PCDHGA1: variants seen among roughly 807,000 people sequenced by gnomAD.
PCDHGA1 encodes protocadherin gamma subfamily A, 1.
In PCDHGA1, 32 loss-of-function variants were observed where a neutral mutation model predicts 58.0. The ratio of observed to expected loss-of-function variants is 0.55; its 90% CI spans 0.42 to 0.74. The LOEUF is 0.74. Ranked by LOEUF, PCDHGA1 falls within the 30% of genes least tolerant of loss-of-function variation. The probability of loss-of-function intolerance (pLI) is 0.00; values close to 1 mark genes in which losing one functional copy is unlikely to be tolerated. For missense variants in PCDHGA1, 1,205 were observed against 1,182.3 expected (o/e 1.02, Z -0.28); for synonymous variants, 498 against 501.1 (o/e 0.99, Z 0.08).
intron 1 of PCDHGA1, among the ~76,000 whole-genome samples, chr5:141,369,978 A>AT (rs1300549847): frequency 6.6e-6 from 1 of 152,234 alleles, no homozygotes; most frequent in Non-Finnish European, 1.5e-5. Flanking sequence ...AAGGTACTTG[A>AT]TTTGGATGGA....
chr5:141,340,513 C>G, intron 1 of PCDHGA1: 1 of 1,614,260 alleles, frequency 6.2e-7, no homozygotes, highest in East Asian at 2.2e-5. Flanking sequence ...CTGGAGTACT[C>G]TATGCACTGC....
Position 141,477,898 on chromosome 5 carries a change from A to G in PCDHGA1, c.2422-16909A>G. 1 of 1,614,158 alleles carries G rather than the reference A, an allele frequency of 6.2e-7. No homozygotes were observed. Among genetic ancestry groups the G allele is most frequent in the Middle Eastern group, 1.6e-4 (1 of 6,062 alleles). ...CTGGCCACCTAGTGTCACGGGTGGTAGGCTGGGACGCGGATGCAGGGCACA... is the reference window on the plus strand; with the variant it reads ...CTGGCCACCTAGTGTCACGGGTGGTGGGCTGGGACGCGGATGCAGGGCACA... On this transcript the variant is annotated intron_variant, in intron 1 of 3. Coordinates refer to ENST00000517417, the MANE Select transcript of PCDHGA1 (RefSeq NM_018912.3). This position sits in a 1 kb window ranked among gnomAD's most constrained non-coding sequence, Gnocchi z 4.9.
At chr5:141,385,300 A>G (rs1781097976) in intron 1 of PCDHGA1, 2 of 1,613,102 alleles carry the variant, frequency 1.2e-6, no homozygotes, top group Non-Finnish European at 8.5e-7. Flanking sequence ...TCAGGAATGT[A>G]AAGAAAACCT....
At chr5:141,465,657 G>T (rs904553709) in intron 1 of PCDHGA1, among the ~76,000 whole-genome samples, 2 of 152,130 alleles carry the variant, frequency 1.3e-5, no homozygotes, top group Non-Finnish European at 2.9e-5. Context: ...CCAAAAAAGC[G>T]CTTGCCATGA....
At chr5:141,430,996 G>A (rs1256552269) in intron 1 of PCDHGA1, 6 of 1,614,024 alleles carry the variant, frequency 3.7e-6, no homozygotes, top group Non-Finnish European at 5.1e-6. Context: ...CCCTGAATCC[G>A]CGCAGCGGCA....
chr5:141,386,400 A>G (rs1180278109), intron 1 of PCDHGA1, among the ~76,000 whole-genome samples: 1 of 152,176 alleles, frequency 6.6e-6, no homozygotes, highest in Non-Finnish European at 1.5e-5. Flanking sequence ...ACTTTTAGCC[A>G]GGTATGGTGT....
rs1342517284 is a variant in PCDHGA1 at position 141,383,674 on chromosome 5, A to G, written c.2421+50569A>G. ...TGTCCCCGAGAATGTGCCAGTGGGT[A>G]CAAGACTGCTCACGGTACATGCTAT... On this transcript the variant is annotated intron_variant, in intron 1 of 3. Coordinates refer to ENST00000517417, the MANE Select transcript of PCDHGA1 (RefSeq NM_018912.3). 9.3e-6 allele frequency: 15 copies of G among 1,614,034 alleles called. No individual in the cohort carries two copies. The East Asian group carries it at 3.3e-4, about 36-fold the overall frequency.
rs1491285973 is a variant in PCDHGA1, at chr5:141,415,739, GGT to G, written c.2422-79067_2422-79066del. 5.5e-5 allele frequency: 24 copies of G among 435,136 alleles called. No individual in the cohort carries two copies. The African/African-American group carries it at 7.2e-4, about 13-fold the overall frequency. 27.0% of individuals were successfully genotyped at this position (435,136 alleles called of 1,614,324 possible). A position where few individuals can be genotyped will look rare whatever the true frequency, so the allele number is the denominator to read the frequency against. On this transcript the variant is annotated intron_variant, in intron 1 of 3. Transcript: ENST00000517417. Reference sequence around the variant, plus strand: ...ATGAGTAGAATTTGATGTTTATTAAGGTTTTTTTTTTTTTTTTTTTTTTTTTT... The same window carrying G: ...ATGAGTAGAATTTGATGTTTATTAAGTTTTTTTTTTTTTTTTTTTTTTTTT...
rs183968443 is a variant in PCDHGA1 at position 141,495,033 on chromosome 5, G to A, written c.2480+168G>A. On this transcript the variant is annotated intron_variant, in intron 2 of 3. Coordinates refer to ENST00000517417, the MANE Select transcript of PCDHGA1 (RefSeq NM_018912.3). ...GGGGCTGGCACACAGACCCCGGAAG[G>A]AAGAGGCGACTGCCCTGACTGTTCA... is the stretch of plus-strand genomic sequence containing the variant. 1.4e-3 allele frequency: 1,380 copies of A among 968,234 alleles called. 4 individuals are homozygous for A. Among genetic ancestry groups the A allele is most frequent in the Middle Eastern group, 5.3e-3 (10 of 1,888 alleles). 60.0% of individuals were successfully genotyped at this position (968,234 alleles called of 1,614,324 possible).
At chr5:141,506,863 G>A (rs1162975959) in intron 3 of PCDHGA1, among the ~76,000 whole-genome samples, 1 of 152,120 alleles carries the variant, frequency 6.6e-6, no homozygotes, top group Non-Finnish European at 1.5e-5. Context: ...GAGGACTGGT[G>A]GGTAGAGAAC....
intron 1 of PCDHGA1, chr5:141,421,696 A>G: frequency 6.2e-7 from 1 of 1,613,886 alleles, no homozygotes; most frequent in Non-Finnish European, 8.5e-7. Context: ...TGCTCTTCCT[A>G]ATGCTAGGGA....
In PCDHGA1 at chr5:141,331,899, G is replaced by A. The variant is rs1163167258; in HGVS notation, c.1215G>A (p.Val405=). The A allele has an allele frequency of 1.9e-6, 3 of 1,614,136 alleles. No individual in the cohort carries two copies. The part of the protein sequence containing the change: ...EKLVDNYYRL[V]TERTLDRELI... ...TAGTTGATAATTATTACCGTTTAGT[G>A]ACTGAAAGAACACTGGACAGAGAAC... Residue 405 remains valine, a synonymous_variant, in exon 1 of 4, where the codon GTG becomes GTA. Coordinates refer to ENST00000517417, the MANE Select transcript of PCDHGA1 (RefSeq NM_018912.3).
chr5:141,330,758 A>G lies in PCDHGA1; in HGVS notation c.74A>G (p.Glu25Gly). The part of the protein sequence containing the change: ...LLCLSLELLL[E>G]AGAGNIHYSV... ...TGTCTTTCTCTGGAGCTGCTGTTGG[A>G]AGCTGGGGCTGGGAATATTCACTAC... Residue 25 changes from glutamate to glycine, a missense_variant, in exon 1 of 4, where the codon GAA becomes GGA. Physicochemically the swap from Glu to Gly is moderately conservative, Grantham distance 98 (BLOSUM62 -2). Coordinates refer to ENST00000517417, the MANE Select transcript of PCDHGA1 (RefSeq NM_018912.3). The G allele has an allele frequency of 1.2e-6, 2 of 1,614,152 alleles. No individual in the cohort carries two copies. The highest frequency in any genetic ancestry group is 1.7e-6 in the Non-Finnish European group (2 of 1,180,002).
chr5:141,481,729 G>A (rs757464454), intron 1 of PCDHGA1, among the ~76,000 whole-genome samples: 6 of 151,966 alleles, frequency 3.9e-5, no homozygotes, highest in Admixed American at 1.3e-4. Flanking sequence ...GGAGGCGGGC[G>A]GATCACGAGG....
At chr5:141,404,492 C>T (rs770295078) in intron 1 of PCDHGA1, 1 of 1,613,668 alleles carries the variant, frequency 6.2e-7, no homozygotes, top group African/African-American at 1.3e-5. Context: ...CACTGGTGTG[C>T]TGTATGCTCT....
At chr5:141,356,818 C>T in intron 1 of PCDHGA1, 1 of 1,613,982 alleles carries the variant, frequency 6.2e-7, no homozygotes, top group Non-Finnish European at 8.5e-7. Context: ...CAGTGGAGAC[C>T]CTCCACTCAG....
intron 1 of PCDHGA1, among the ~76,000 whole-genome samples, chr5:141,463,966 A>C (rs923614502): frequency 4.6e-5 from 7 of 152,196 alleles, no homozygotes; most frequent in African/African-American, 1.7e-4. Context: ...AAATAGCTTC[A>C]TAAAACTCCA....
At chr5:141,372,810 G>A (rs1769086756) in intron 1 of PCDHGA1, 3 of 1,587,362 alleles carry the variant, frequency 1.9e-6, no homozygotes, top group Non-Finnish European at 2.6e-6. Flanking sequence ...TTTGCAAAAG[G>A]TGAGTTTCTT....
Position 141,388,371 on chromosome 5 carries a change from G to C in PCDHGA1, c.2421+55266G>C, listed in dbSNP as rs757960562. ...AGGATCTGCCCATGATGCGGATATT[G>C]GTAGCAACACACTGCAGAATTACCA... On this transcript the variant is annotated intron_variant, in intron 1 of 3. Transcript: ENST00000517417. 3.8e-5 allele frequency: 61 copies of C among 1,613,854 alleles called. No homozygotes were observed. In the South Asian group the frequency reaches 6.1e-4, roughly 16 times the overall value.
Sources: allele counts gnomAD v4.1 joint callset (sites outside exome capture counted in the v4.1 genomes callset), GRCh38; gene constraint gnomAD v4.1.1; non-coding constraint Gnocchi (gnomAD v3.1); transcripts MANE v1.5; gene names NCBI Gene and HGNC (gene_info 2026-07-23, HGNC 2026-07-21).